The following ZNF106 variants were observed in gnomAD, a reference collection of about 807,000 sequenced individuals.
ZNF106 encodes zinc finger protein 106.
ZNF106 carries 67 observed loss-of-function variants against 195.1 expected under a neutral mutation model. That is an observed-to-expected ratio of 0.34 (90% CI 0.28 to 0.42). ZNF106 has a LOEUF of 0.42. ZNF106 is among the 10% of genes least tolerant of loss of function. The pLI is 1.00. For missense variants in ZNF106, 2,118 were observed against 2,304.5 expected, an observed-to-expected ratio of 0.92 and a Z score of 1.66; for synonymous variants, 784 against 818.6, an observed-to-expected ratio of 0.96 and a Z score of 0.72.
intron 18 of ZNF106, among the ~76,000 whole-genome samples, 154 bp downstream of exon 18, chr15:42,422,347 G>A (rs1304246749): frequency 1.3e-5 from 2 of 151,662 alleles, no homozygotes; most frequent in Non-Finnish European, 2.9e-5. Context: ...GAAAGCTGCA[G>A]TCCACAGGCC....
At chr15:42,419,294 G>A (rs2054570798) in intron 20 of ZNF106, among the ~76,000 whole-genome samples, 1 of 152,118 alleles carries the variant, frequency 6.6e-6, no homozygotes, top group Non-Finnish European at 1.5e-5. Context: ...TGGAACTTGG[G>A]AAGTGGAGGC....
chr15:42,460,032 G>T lies in ZNF106; in HGVS notation c.117-2874C>A, dbSNP rs374306183. On this transcript the variant is annotated intron_variant, in intron 3 of 21. Transcript: ENST00000564754. ...CACTCCAGCCTGGGTGACAGAGTGA[G>T]ACTTGGCCTCAAAAAAAAAAAAAAA... 4.0e-5 allele frequency among the ~76,000 whole-genome samples: 6 copies of T among 148,256 alleles called. No individual in the cohort carries two copies. In the East Asian group the frequency reaches 1.2e-3, roughly 29 times the overall value.
chr15:42,465,933 G>T, intron 3 of ZNF106, 120 bp downstream of exon 3: 1 of 744,528 alleles, frequency 1.3e-6, no homozygotes, highest in Non-Finnish European at 2.0e-6. Context: ...CTAAAAGGTT[G>T]TTCTACGCCA....
At chr15:42,465,511 A>C (rs976149166) in intron 3 of ZNF106, among the ~76,000 whole-genome samples, 1 of 152,046 alleles carries the variant, frequency 6.6e-6, no homozygotes, top group Admixed American at 6.6e-5. Flanking sequence ...TCCTGGGCTC[A>C]AGTAATCCTT....
intron 1 of ZNF106, among the ~76,000 whole-genome samples, chr15:42,485,036 C>A (rs572121558): frequency 3.3e-5 from 5 of 151,352 alleles, no homozygotes; most frequent in African/African-American, 1.2e-4. Context: ...GTAATCCCAG[C>A]TACTCAGGTG....
At chr15:42,456,084 C>A (rs1420489380) in intron 4 of ZNF106, among the ~76,000 whole-genome samples, 1 of 152,026 alleles carries the variant, frequency 6.6e-6, no homozygotes, top group Admixed American at 6.6e-5. Flanking sequence ...AAAATTTATT[C>A]AAGAAAGCAC....
intron 20 of ZNF106, among the ~76,000 whole-genome samples, chr15:42,419,721 G>A (rs1341115677): frequency 6.6e-6 from 1 of 152,164 alleles, no homozygotes; most frequent in Non-Finnish European, 1.5e-5. Context: ...GGAGGCCGAG[G>A]CAGGTGGTTC....
At chr15:42,486,933 C>T (rs1451707608) in intron 1 of ZNF106, among the ~76,000 whole-genome samples, 1 of 151,342 alleles carries the variant, frequency 6.6e-6, no homozygotes, top group Non-Finnish European at 1.5e-5. Context: ...GGGGGATCAC[C>T]AGGTCAGGCA....
chr15:42,450,634 A>G lies in ZNF106; in HGVS notation c.1638T>C (p.Ser546=). The G allele has an allele frequency of 1.2e-6, 2 of 1,614,182 alleles. No homozygotes were observed. The highest frequency in any genetic ancestry group is 1.7e-6 in the Non-Finnish European group (2 of 1,180,046). Residue 546 remains serine, a synonymous_variant, in exon 5 of 22, where the codon TCT becomes TCC. Coordinates refer to ENST00000564754, the MANE Select transcript of ZNF106 (RefSeq NM_001366845.3). ...TTAAATTATCACCAGATTGCTTTTG[A>G]GAGCCAAATGTACTTTTATTCCCTT... ...VLKGNKSTFG[S]QKQSGDNLND...
intron 3 of ZNF106, among the ~76,000 whole-genome samples, chr15:42,461,581 G>A (rs892457955): frequency 6.6e-6 from 1 of 152,210 alleles, no homozygotes; most frequent in African/African-American, 2.4e-5. Context: ...CCACACATCT[G>A]AAGAAGTATA....
At position 42,450,400 on chromosome 15, in the gene ZNF106, T is replaced by G; in HGVS notation, c.1872A>C (p.Gly624=). 1 of 1,614,200 alleles carries G rather than the reference T, an allele frequency of 6.2e-7. No homozygotes were observed. The highest frequency in any genetic ancestry group is 8.5e-7 in the Non-Finnish European group (1 of 1,180,042). Residue 624 remains glycine, a synonymous_variant, in exon 5 of 22, where the codon GGA becomes GGC. Transcript: ENST00000564754. ...DGETSDTEKH[G]TKIGTLGSAT... is the part of the protein sequence containing the mutation. Reference sequence around the variant, plus strand: ...CAGAACCTAGGGTTCCAATTTTTGTTCCATGCTTTTCCGTGTCAGATGTCT... The same window carrying G: ...CAGAACCTAGGGTTCCAATTTTTGTGCCATGCTTTTCCGTGTCAGATGTCT...
intron 15 of ZNF106, among the ~76,000 whole-genome samples, chr15:42,426,516 C>T (rs1367855817): frequency 6.6e-6 from 1 of 151,046 alleles, no homozygotes; most frequent in Non-Finnish European, 1.5e-5. Flanking sequence ...CCACCTGCCT[C>T]AGCTTCCTGA....
In ZNF106 at chr15:42,428,067, A is replaced by T; in HGVS notation, c.4949T>A (p.Ile1650Asn). 6.2e-7 allele frequency: 1 copy of T among 1,614,150 alleles called. No homozygotes were observed. The change falls in exon 15 of 22, where the codon ATC (isoleucine) becomes AAC (asparagine). Residue 1650 changes from isoleucine (I) to asparagine (N), a missense_variant. Coordinates refer to ENST00000564754, the MANE Select transcript of ZNF106 (RefSeq NM_001366845.3). ...RVLCLHSRWR[I>N]LYAGLANGTV... ...GCCATTTGCCAGTCCCGCATAGAGG[A>T]TTCGCCATCTACTGTGGAGGCAGAG...
intron 13 of ZNF106, among the ~76,000 whole-genome samples, chr15:42,435,943 G>A (rs1168958742): frequency 6.7e-6 from 1 of 150,326 alleles, no homozygotes; most frequent in African/African-American, 2.5e-5. Flanking sequence ...AGGTCTAGTG[G>A]TTCTGGTGTT....
chr15:42,470,685 A>C (rs893497238), intron 2 of ZNF106, among the ~76,000 whole-genome samples: 2 of 152,172 alleles, frequency 1.3e-5, no homozygotes, highest in African/African-American at 4.8e-5. Flanking sequence ...CAAAATCACA[A>C]AATCATGGTA....
In ZNF106 at chr15:42,442,095, G is replaced by A. The variant is rs755402019; in HGVS notation, c.3741C>T (p.Ser1247=). The A allele has an allele frequency of 1.3e-5, 21 of 1,612,784 alleles. No individual in the cohort carries two copies. Among genetic ancestry groups the A allele is most frequent in the Non-Finnish European group, 1.8e-5 (21 of 1,179,332 alleles). ...TACTATTAGCTTCCAGTAATTCCTT[G>A]GACACATTGCAGGCAGAGCTTGGTG... ...AVPPSSACNV[S]KELLEANREI... is the part of the protein sequence containing the mutation. Residue 1247 remains serine, a synonymous_variant, in exon 10 of 22, where the codon TCC becomes TCT. Coordinates refer to ENST00000564754, the MANE Select transcript of ZNF106 (RefSeq NM_001366845.3).
chr15:42,441,665 AC>A (rs2055540705), intron 10 of ZNF106: 1 of 154,882 alleles, frequency 6.5e-6, no homozygotes, highest in Non-Finnish European at 1.4e-5. Context: ...CCTGCCTCTC[AC>A]GCTTATATTA....
At chr15:42,476,440 T>C (rs949677121) in intron 1 of ZNF106, among the ~76,000 whole-genome samples, 1 of 152,022 alleles carries the variant, frequency 6.6e-6, no homozygotes. Flanking sequence ...AAACTAGAAG[T>C]AAGTAAATAA....
chr15:42,476,508 T>C (rs1332615963), intron 1 of ZNF106, among the ~76,000 whole-genome samples: 1 of 152,184 alleles, frequency 6.6e-6, no homozygotes, highest in East Asian at 1.9e-4. Flanking sequence ...TTTCACCATG[T>C]TGGCCAGCTG....
Sources: gnomAD v4.1 joint callset for allele counts (sites outside exome capture counted in the v4.1 genomes callset) on GRCh38, gnomAD v4.1.1 for gene constraint, MANE v1.5 for transcripts, NCBI Gene and HGNC (gene_info 2026-07-23, HGNC 2026-07-21) for gene names.